NIN: variants seen among roughly 807,000 people sequenced by gnomAD.
NIN encodes ninein, also known as glycogen synthase kinase 3 beta-interacting protein.
In NIN, 137 loss-of-function variants were observed where a neutral mutation model predicts 257.6. The observed-to-expected ratio is 0.53, with a 90% CI of 0.46 to 0.61. The LOEUF (loss-of-function observed/expected upper bound fraction) is 0.61, where lower values mean the gene tolerates loss of function less well. Among genes scored for constraint, NIN ranks in the 20% least tolerant of loss-of-function variants. The probability of loss-of-function intolerance (pLI) is 0.00; values close to 1 mark genes in which losing one functional copy is unlikely to be tolerated. For missense variants in NIN, 2,439 were observed against 2,501.2 expected, an observed-to-expected ratio of 0.98 and a Z score of 0.53; for synonymous variants, 918 against 919.8, an observed-to-expected ratio of 1.00 and a Z score of 0.04.
intron 7 of NIN, among the ~76,000 whole-genome samples, chr14:50,774,475 G>A (rs575462171): frequency 2.6e-5 from 4 of 152,288 alleles, no homozygotes; most frequent in Admixed American, 1.3e-4. Flanking sequence ...GAGTGGAAAC[G>A]TTTGCAAGAA....
rs964903074 is a variant in NIN, at chr14:50,744,337, A to G, written c.5093T>C (p.Phe1698Ser). 12 of 1,613,984 alleles carry G rather than the reference A, an allele frequency of 7.4e-6. No homozygotes were observed. The highest frequency in any genetic ancestry group is 9.3e-6 in the Non-Finnish European group (11 of 1,179,978). Residue 1698 changes from phenylalanine (F) to serine (S), a missense_variant, in exon 23 of 31, where the codon TTC becomes TCC. By Grantham distance (155) the Phe-to-Ser change is radical. Coordinates refer to ENST00000530997, the MANE Select transcript of NIN (RefSeq NM_020921.4). ...TAGAACACTAGAGATTTTTTGCTGG[A>G]AGTCAGAGAGATCGGGACATCTGTG... ...QLHRCPDLSD[F>S]QQKISSVLSY...
rs2040281386 is a variant in NIN, at chr14:50,722,081, G to C, written c.*1382C>G. 1.3e-5 allele frequency: 3 copies of C among 228,682 alleles called. No homozygotes were observed. In the Admixed American group the frequency reaches 1.7e-4, roughly 13 times the overall value. The allele number at this position is 228,682 out of a possible 1,614,324, so 14.2% of individuals were successfully genotyped here. A position where few individuals can be genotyped will look rare whatever the true frequency, so the allele number is the denominator to read the frequency against. On this transcript the variant is annotated 3_prime_UTR_variant, in exon 31 of 31. Transcript: ENST00000530997. ...CTCATGAAAACAAGCAGGTTGTTGT[G>C]ATGAACTTGGAAAGTGCCCTGCACC...
rs371003270 is a variant in NIN, at chr14:50,740,747, G to A, written c.5448+835C>T. Reference sequence around the variant, plus strand: ...TCTGCCTGCCTCGGCCTCCCAAAGCGCTGGGATTACAGGCATGAGCCACCA... The same window carrying A: ...TCTGCCTGCCTCGGCCTCCCAAAGCACTGGGATTACAGGCATGAGCCACCA... On this transcript the variant is annotated intron_variant, in intron 25 of 30. Transcript: ENST00000530997. Among the ~76,000 whole-genome samples, 153 of 152,310 alleles carry A rather than the reference G, an allele frequency of 1.0e-3. 1 individual carries two copies. In the South Asian group the frequency reaches 0.029, roughly 29 times the overall value.
At chr14:50,734,202 G>GC (rs758145612) in intron 28 of NIN, among the ~76,000 whole-genome samples, 1 of 151,118 alleles carries the variant, frequency 6.6e-6, no homozygotes, top group African/African-American at 2.4e-5. Context: ...CAGTTCTCCT[G>GC]CCTCAGCCTC....
At position 50,766,788 on chromosome 14, in the gene NIN, C is replaced by CT; in HGVS notation, c.1536dup (p.Ala513SerfsTer6). ...GATTTGAACAGGTTTACCTTTTCTG[C>CT]TAACACATTTTCCAAATTTCTCTGA... is the stretch of plus-strand genomic sequence containing the variant. On this transcript the variant is annotated frameshift_variant, in exon 13 of 31. Coordinates refer to ENST00000530997, the MANE Select transcript of NIN (RefSeq NM_020921.4). LOFTEE classifies it high-confidence loss of function. 6.2e-7 allele frequency: 1 copy of CT among 1,608,606 alleles called. No homozygotes were observed. Among genetic ancestry groups the CT allele is most frequent in the Non-Finnish European group, 8.5e-7 (1 of 1,175,082 alleles).
At chr14:50,759,084 T>C (rs954235195) in intron 17 of NIN, among the ~76,000 whole-genome samples, 1 of 152,220 alleles carries the variant, frequency 6.6e-6, no homozygotes, top group Non-Finnish European at 1.5e-5. Flanking sequence ...CTTAACGAAG[T>C]AGCACCAAGT....
At chr14:50,803,804 G>A (rs1297129287) in intron 4 of NIN, among the ~76,000 whole-genome samples, 2 of 152,150 alleles carry the variant, frequency 1.3e-5, no homozygotes, top group Non-Finnish European at 2.9e-5. Flanking sequence ...GCCTGTTGAT[G>A]TACTGCATTT....
Position 50,772,914 on chromosome 14 carries a change from T to C in NIN, c.813+35A>G, listed in dbSNP as rs1176523434. ...CATTACTTAAATGGGTTCTAACTTT[T>C]ATTCACAAAGAAAGCACTTCTGCTT... On this transcript the variant is annotated intron_variant, in intron 8 of 30. Transcript: ENST00000530997. 4 of 1,581,876 alleles carry C rather than the reference T, an allele frequency of 2.5e-6. No individual in the cohort carries two copies. The African/African-American group carries it at 5.5e-5, about 22-fold the overall frequency.
rs375157606 is a variant in NIN, at chr14:50,777,457, T to C, written c.476-318A>G. Reference sequence around the variant, plus strand: ...TCACAAGCTTAGGCTATAGTGATCATAGAGAAAGAAGGCTGGTTGAGGGCC... The same window carrying C: ...TCACAAGCTTAGGCTATAGTGATCACAGAGAAAGAAGGCTGGTTGAGGGCC... On this transcript the variant is annotated intron_variant, in intron 6 of 30. Transcript: ENST00000530997. 5.6e-4 allele frequency among the ~76,000 whole-genome samples: 85 copies of C among 152,358 alleles called. No homozygotes were observed. In the South Asian group the frequency reaches 0.015, roughly 27 times the overall value.
Position 50,777,113 on chromosome 14 carries a change from C to A in NIN, c.502G>T (p.Asp168Tyr). The change falls in exon 7 of 31, where the codon GAC becomes TAC. Residue 168 changes from aspartate (D) to tyrosine (Y), a missense_variant. This residue lies in a region of NIN where 387 missense variants were observed against 427.3 expected (regional missense o/e 0.91). Coordinates refer to ENST00000530997, the MANE Select transcript of NIN (RefSeq NM_020921.4). ...GATCCACTCTGTGAAGCATTCAAGT[C>A]ATCTGGGTTCCAAAACCTTAACTGG... ...EGQLRFWNPD[D>Y]LNASQSGSSP... 1 of 1,611,906 alleles carries A rather than the reference C, an allele frequency of 6.2e-7. No individual in the cohort carries two copies. The highest frequency in any genetic ancestry group is 1.1e-5 in the South Asian group (1 of 90,678).
chr14:50,775,860 T>A (rs1349534229), intron 7 of NIN, among the ~76,000 whole-genome samples: 1 of 151,886 alleles, frequency 6.6e-6, no homozygotes, highest in African/African-American at 2.4e-5. Flanking sequence ...TAGTCACCAA[T>A]GAAAAATAAA....
Position 50,766,821 on chromosome 14 carries a change from T to C in NIN, c.1504A>G (p.Asn502Asp). 1 of 1,614,066 alleles carries C rather than the reference T, an allele frequency of 6.2e-7. No homozygotes were observed. The highest frequency in any genetic ancestry group is 1.1e-5 in the South Asian group (1 of 91,076). Residue 502 changes from asparagine (N) to aspartate (D), a missense_variant, in exon 13 of 31, where the codon AAC becomes GAC. Around this residue, in one of 3 missense-constraint regions of NIN, gnomAD observed 2,043 missense variants for 2,050.2 expected, o/e 1.00. Coordinates refer to ENST00000530997, the MANE Select transcript of NIN (RefSeq NM_020921.4). ...EKLAEYENLT[N>D]KLQRNLENVL... ...TTTTCCAAATTTCTCTGAAGTTTGT[T>C]TGTCAGATTCTCATATTCTGCCAAC... is the stretch of plus-strand genomic sequence containing the variant.
At chr14:50,741,437 T>G (rs1375326415) in intron 25 of NIN, 145 bp downstream of exon 25, 1 of 683,186 alleles carries the variant, frequency 1.5e-6, no homozygotes, top group Non-Finnish European at 2.4e-6. Flanking sequence ...CATTTTTATC[T>G]AAGTGATGGT....
chr14:50,752,430 C>T, intron 21 of NIN, 88 bp downstream of exon 21: 1 of 984,550 alleles, frequency 1.0e-6, no homozygotes, highest in Non-Finnish European at 1.6e-6. Context: ...ATTACTAAGG[C>T]TTTATGTTTA....
intron 17 of NIN, among the ~76,000 whole-genome samples, chr14:50,759,415 T>TA (rs1324978610): frequency 5.3e-5 from 8 of 151,550 alleles, no homozygotes; most frequent in Admixed American, 1.3e-4. Context: ...GCAAAAACAG[T>TA]AAAAAAATAT....
At position 50,743,700 on chromosome 14, in the gene NIN, G is replaced by C. The variant is rs536611880; in HGVS notation, c.5188-171C>G. The stretch of plus-strand genomic sequence containing the variant: ...TGGCTCCAAATCGAGACAAACCAAA[G>C]ACTGTTTTACACGTCTAATTTTGAG... On this transcript the variant is annotated intron_variant, in intron 23 of 30. Transcript: ENST00000530997. Among the ~76,000 whole-genome samples, 51 of 152,260 alleles carry C rather than the reference G, an allele frequency of 3.3e-4. 2 individuals are homozygous for C. The East Asian group carries it at 9.0e-3, about 27-fold the overall frequency.
At chr14:50,750,008 CTA>C (rs1183547085) in intron 21 of NIN, among the ~76,000 whole-genome samples, 5 of 151,974 alleles carry the variant, frequency 3.3e-5, no homozygotes, top group Non-Finnish European at 7.4e-5. Flanking sequence ...TTATTGTAGT[CTA>C]TGTTTATTTC....
At chr14:50,777,849 G>A (rs2042979190) in intron 6 of NIN, among the ~76,000 whole-genome samples, 1 of 152,162 alleles carries the variant, frequency 6.6e-6, no homozygotes, top group Middle Eastern at 3.2e-3. Context: ...TAGAGATTCT[G>A]TAAAGTCATT....
intron 29 of NIN, chr14:50,727,764 G>T: frequency 3.5e-6 from 5 of 1,420,314 alleles, no homozygotes; most frequent in Non-Finnish European, 4.7e-6. Context: ...AGAGAAAGAA[G>T]GCAAGTAGTA....
Sources: allele counts gnomAD v4.1 joint callset (sites outside exome capture counted in the v4.1 genomes callset), GRCh38; gene constraint gnomAD v4.1.1; regional missense constraint gnomAD v4.1.1; transcripts MANE v1.5; gene names NCBI Gene and HGNC (gene_info 2026-07-23, HGNC 2026-07-21).